Variants in DRC4 observed in about 807,000 individuals in gnomAD.
DRC4 encodes GAS-11.
At chr16:90,027,693 C>T in the DRC4 span, 1 of 1,614,216 alleles carries the variant, frequency 6.2e-7, no homozygotes. Context: ...TGTCGATGGG[C>T]TCGCTCCAGA....
the DRC4 span, among the ~76,000 whole-genome samples, chr16:90,041,898 C>A: frequency 7.9e-5 from 12 of 152,192 alleles, no homozygotes; most frequent in South Asian, 2.1e-4. Flanking sequence ...CTGCACGCTG[C>A]CTGCCCTCAC....
At chr16:90,036,516 C>T in the DRC4 span, 3 of 1,612,740 alleles carry the variant, frequency 1.9e-6, no homozygotes, top group Non-Finnish European at 2.5e-6. Flanking sequence ...CACGAGGAGG[C>T]CTTCACCGAC....
At chr16:90,035,973 A>T in the DRC4 span, 1 of 1,295,274 alleles carries the variant, frequency 7.7e-7, no homozygotes, top group Non-Finnish European at 1.0e-6. Context: ...TGCCGTGGGC[A>T]GCCTTCTTAA....
At chr16:90,033,808 C>A in the DRC4 span, among the ~76,000 whole-genome samples, 2 of 151,856 alleles carry the variant, frequency 1.3e-5, no homozygotes, top group African/African-American at 2.4e-5. Flanking sequence ...GTGCCAGATA[C>A]AACAGAGTAT....
the DRC4 span, chr16:90,027,789 G>A: frequency 1.4e-5 from 20 of 1,417,536 alleles, no homozygotes; most frequent in East Asian, 1.4e-4. Context: ...GGGTGCCTAC[G>A]CCGAGTGTCC....
chr16:90,027,543 A>T, the DRC4 span: 5 of 1,302,914 alleles, frequency 3.8e-6, no homozygotes, highest in Non-Finnish European at 5.5e-6. Flanking sequence ...AGGTTCCAGA[A>T]CCTTCTCTGC....
the DRC4 span, chr16:90,032,790 A>G: frequency 1.2e-6 from 2 of 1,613,990 alleles, no homozygotes; most frequent in South Asian, 1.1e-5. Context: ...GGCTGAGGGC[A>G]CTGTAGTCAT....
chr16:90,020,025 C>G, the DRC4 span: 19,706 of 696,684 alleles, frequency 0.028, 1,500 homozygotes, highest in African/African-American at 0.23. Flanking sequence ...AAACTGACCC[C>G]CATGTCCCTA....
At chr16:90,042,308 T>C in the DRC4 span, 1 of 678,158 alleles carries the variant, frequency 1.5e-6, no homozygotes, top group Non-Finnish European at 2.7e-6. Context: ...TCTCCACCCT[T>C]GGAGACCTTT....
At chr16:90,043,038 G>A in the DRC4 span, 2 of 766,980 alleles carry the variant, frequency 2.6e-6, no homozygotes, top group South Asian at 1.9e-5. Context: ...CAGTGAAGGT[G>A]CTTGGAGCTG....
chr16:90,041,525 G>A, the DRC4 span, among the ~76,000 whole-genome samples: 1 of 152,222 alleles, frequency 6.6e-6, no homozygotes, highest in African/African-American at 2.4e-5. Context: ...AAGTGGGATA[G>A]CCGGGCGCGG....
the DRC4 span, chr16:90,032,849 G>C: frequency 5.6e-6 from 9 of 1,613,972 alleles, no homozygotes; most frequent in African/African-American, 1.2e-4. Context: ...TGCTGCGCAA[G>C]GACATGCGGG....
At chr16:90,036,415 G>C in the DRC4 span, 7 of 1,611,414 alleles carry the variant, frequency 4.3e-6, no homozygotes, top group South Asian at 6.6e-5. Context: ...AGATGAAGAT[G>C]CTGAGGGACG....
chr16:90,043,360 G>A, the DRC4 span: 2 of 1,600,648 alleles, frequency 1.2e-6, no homozygotes, highest in East Asian at 2.2e-5. Flanking sequence ...CCCCCTGGGG[G>A]GCCACAGCCC....
the DRC4 span, chr16:90,036,091 A>G: frequency 1.7e-6 from 1 of 594,660 alleles, no homozygotes; most frequent in Non-Finnish European, 2.8e-6. Context: ...GGCCTCGGTT[A>G]CTGCTCACTG....
the DRC4 span, among the ~76,000 whole-genome samples, chr16:90,025,695 C>T: frequency 1.4e-5 from 2 of 143,732 alleles, no homozygotes; most frequent in African/African-American, 5.2e-5. Context: ...ACCAGCCTGG[C>T]CAACATGGTG....
At chr16:90,036,498 T>G in the DRC4 span, 1 of 1,614,102 alleles carries the variant, frequency 6.2e-7, no homozygotes, top group Non-Finnish European at 8.5e-7. Context: ...CACACGCTGA[T>G]GCAGCGCCAC....
the DRC4 span, chr16:90,037,014 G>C: frequency 1.7e-6 from 1 of 592,194 alleles, no homozygotes; most frequent in Non-Finnish European, 3.0e-6. Flanking sequence ...ACAAAGTATA[G>C]TCCTTCAGTC....
the DRC4 span, chr16:90,037,256 AAGG>A: frequency 6.2e-7 from 1 of 1,612,736 alleles, no homozygotes; most frequent in Non-Finnish European, 8.5e-7. Context: ...CATGCGGAAG[AAGG>A]AGGACCACCT....
Sources: gnomAD v4.1 joint callset for allele counts (sites outside exome capture counted in the v4.1 genomes callset) on GRCh38, gnomAD v4.1.1 for gene constraint, MANE v1.5 for transcripts, NCBI Gene and HGNC (gene_info 2026-07-23, HGNC 2026-07-21) for gene names.